Variants in PIAS3 observed in about 807,000 individuals in gnomAD.
PIAS3 encodes protein inhibitor of activated STAT 3, also known as E3 SUMO-protein ligase PIAS3.
PIAS3 carries 34 observed loss-of-function variants against 67.6 expected under a neutral mutation model. The ratio of observed to expected loss-of-function variants is 0.50; its 90% CI spans 0.38 to 0.67. The LOEUF is 0.67. Among genes scored for constraint, PIAS3 ranks in the 30% least tolerant of loss-of-function variants. The pLI is 0.00. For synonymous variants in PIAS3, 341 were observed against 313.8 expected (o/e 1.09, Z -0.92); for missense variants, 693 against 791.6 (o/e 0.88, Z 1.49).
chr1:145,857,072 G>T, intron 1 of PIAS3, 66 bp from the exon 2 acceptor site: 1 of 1,434,242 alleles, frequency 7.0e-7, no homozygotes, highest in Non-Finnish European at 9.7e-7. Context: ...CAAGACATGG[G>T]CTGAGCTACC....
At position 145,849,876 on chromosome 1, in the gene PIAS3, CCCTT is replaced by C. The variant is rs1306016815; in HGVS notation, c.1621-168_1621-165del. ...TCCCTCTTTCCCCTACTTCCCTACA[CCCTT>C]CCCCTTTCCCTGCCTTGAGAGAGCT... On this transcript the variant is annotated intron_variant, in intron 13 of 13. Transcript: ENST00000393045. 13 of 1,470,540 alleles carry C rather than the reference CCCTT, an allele frequency of 8.8e-6. No individual in the cohort carries two copies. In the East Asian group the frequency reaches 2.6e-4, roughly 29 times the overall value. 91.1% of individuals were successfully genotyped at this position (1,470,540 alleles called of 1,614,324 possible).
chr1:145,859,031 G>C lies in PIAS3; in HGVS notation c.-41C>G. On this transcript the variant is annotated 5_prime_UTR_variant, in exon 1 of 14. Coordinates refer to ENST00000393045, the MANE Select transcript of PIAS3 (RefSeq NM_006099.3). ...GCGCCCCAGCCGGAGCCGGAGCTCA[G>C]GCCCAGGGACCGGCGCACAACTCTC... 1.3e-6 allele frequency: 2 copies of C among 1,539,692 alleles called. No homozygotes were observed. Among genetic ancestry groups the C allele is most frequent in the Non-Finnish European group, 1.7e-6 (2 of 1,143,368 alleles).
At chr1:145,852,537 T>A (rs587662556) in intron 9 of PIAS3, among the ~76,000 whole-genome samples, 1 of 152,098 alleles carries the variant, frequency 6.6e-6, no homozygotes, top group South Asian at 2.1e-4. Flanking sequence ...ACCTATCTCA[T>A]AGGGTTTTTT....
intron 1 of PIAS3, among the ~76,000 whole-genome samples, chr1:145,858,415 C>G (rs1653280165): frequency 2.6e-5 from 4 of 152,112 alleles, no homozygotes; most frequent in Non-Finnish European, 5.9e-5. Flanking sequence ...CAGGATGCTT[C>G]TGCCCCACCC....
chr1:145,854,385 A>T, intron 7 of PIAS3, 73 bp downstream of exon 7: 1 of 1,045,942 alleles, frequency 9.6e-7, no homozygotes, highest in South Asian at 1.3e-5. Context: ...GTATGGGTTT[A>T]ATTATGAAGG....
In PIAS3 at chr1:145,856,634, G is replaced by C; in HGVS notation, c.397C>G (p.Pro133Ala). The part of the protein sequence containing the change: ...VHPDVTMKPL[P>A]FYEVYGELIR... ...AGCTCCCCATAGACTTCATAGAAGGGCAATGGTTTCATGGTGACATCAGGG... is the reference window on the plus strand; with the variant it reads ...AGCTCCCCATAGACTTCATAGAAGGCCAATGGTTTCATGGTGACATCAGGG... Residue 133 changes from proline (P) to alanine (A), a missense_variant, in exon 2 of 14, where the codon CCC becomes GCC. Physicochemically the swap from Pro to Ala is conservative, Grantham distance 27. Transcript: ENST00000393045. The C allele has an allele frequency of 6.3e-7, 1 of 1,577,756 alleles. No homozygotes were observed. The highest frequency in any genetic ancestry group is 8.6e-7 in the Non-Finnish European group (1 of 1,160,922).
In PIAS3 at chr1:145,850,932, C is replaced by G. The variant is rs1327754314; in HGVS notation, c.1287G>C (p.Gln429His). The change falls in exon 11 of 14, where the codon CAG (glutamine) becomes CAC (histidine). Residue 429 changes from glutamine (Q) to histidine (H), a missense_variant. By Grantham distance (24) the Gln-to-His change is conservative. This residue lies in a region of PIAS3 where 270 missense variants were observed against 261.0 expected (regional missense o/e 1.03). Transcript: ENST00000393045. ...PPPGYGLDGLQYSPVQGGDPS... is the reference protein window; with the variant it reads ...PPPGYGLDGLHYSPVQGGDPS... Reference sequence around the variant, plus strand: ...GATCTCCCCCCTGGACTGGGCTGTACTGGAGGCCTGTGGGTATTAAGAAGA... The same window carrying G: ...GATCTCCCCCCTGGACTGGGCTGTAGTGGAGGCCTGTGGGTATTAAGAAGA... 6.2e-7 allele frequency: 1 copy of G among 1,614,162 alleles called. No homozygotes were observed. The highest frequency in any genetic ancestry group is 1.3e-5 in the African/African-American group (1 of 75,038).
At chr1:145,856,153 T>A in intron 3 of PIAS3, 35 bp from the exon 4 acceptor site, 1 of 1,590,696 alleles carries the variant, frequency 6.3e-7, no homozygotes, top group African/African-American at 1.3e-5. Context: ...GATGTCAGCA[T>A]GTAGCCCCCA....
At chr1:145,856,524 G>A (rs1653194428) in intron 2 of PIAS3, 65 bp downstream of exon 2, 7 of 1,595,156 alleles carry the variant, frequency 4.4e-6, no homozygotes, top group Admixed American at 1.7e-5. Context: ...TAGGACTAAA[G>A]CCTAAGAAAT....
chr1:145,852,630 G>GC (rs1241202909), intron 9 of PIAS3, among the ~76,000 whole-genome samples: 3 of 149,620 alleles, frequency 2.0e-5, no homozygotes, highest in Non-Finnish European at 3.0e-5. Flanking sequence ...TCAATCTGTT[G>GC]CCCAGGCTGG....
chr1:145,856,084 T>A lies in PIAS3; in HGVS notation c.562A>T (p.Ile188Leu), dbSNP rs1653166037. ...TGAACTCACCTTAGCTGCACCTGTA[T>A]GGTATAATCACATTTGGCTCCTGGC... ...VLPGAKCDYT[I>L]QVQLRFCLCE... The change falls in exon 4 of 14, where the codon ATA becomes TTA. Residue 188 changes from isoleucine to leucine, a missense_variant. Physicochemically the swap from Ile to Leu is conservative, Grantham distance 5. Transcript: ENST00000393045. 1 of 1,613,948 alleles carries A rather than the reference T, an allele frequency of 6.2e-7. No homozygotes were observed.
Position 145,856,340 on chromosome 1 carries a change from G to A in PIAS3, c.527+7C>T, listed in dbSNP as rs1476400333. 1.9e-6 allele frequency: 3 copies of A among 1,609,504 alleles called. No homozygotes were observed. The highest frequency in any genetic ancestry group is 1.3e-5 in the African/African-American group (1 of 74,976). On this transcript the variant is annotated splice_region_variant and intron_variant, in intron 3 of 13. Coordinates refer to ENST00000393045, the MANE Select transcript of PIAS3 (RefSeq NM_006099.3). ...GGGATGAGGCAGGAAGACTGGAAGA[G>A]ATGTACCTGGATGTAAGAATCTGCT...
chr1:145,852,922 T>C (rs1201785821), intron 9 of PIAS3, among the ~76,000 whole-genome samples: 2 of 152,138 alleles, frequency 1.3e-5, no homozygotes, highest in Non-Finnish European at 2.9e-5. Context: ...AGATAACTCA[T>C]GCAAAGTGCT....
intron 10 of PIAS3, 31 bp from the exon 11 acceptor site, chr1:145,850,970 G>T: frequency 6.2e-7 from 1 of 1,614,132 alleles, no homozygotes; most frequent in Non-Finnish European, 8.5e-7. Context: ...ACGTCTCAGA[G>T]AAGAGGCCAT....
Position 145,850,280 on chromosome 1 carries a change from A to T in PIAS3, c.1583-11T>A. 1 of 1,614,226 alleles carries T rather than the reference A, an allele frequency of 6.2e-7. No homozygotes were observed. Among genetic ancestry groups the T allele is most frequent in the Non-Finnish European group, 8.5e-7 (1 of 1,180,038 alleles). On this transcript the variant is annotated splice_polypyrimidine_tract_variant and intron_variant, in intron 12 of 13. Coordinates refer to ENST00000393045, the MANE Select transcript of PIAS3 (RefSeq NM_006099.3). ...AAAATAAATCTAAACCTGGCAGGAA[A>T]AGAAAAATCAAAATTAACCTCCTAT...
intron 13 of PIAS3, 130 bp from the exon 14 acceptor site, chr1:145,849,842 G>A (rs1255388616): frequency 2.0e-6 from 3 of 1,478,708 alleles, no homozygotes; most frequent in African/African-American, 1.4e-5. Flanking sequence ...TGAGAAGCAG[G>A]AGAGCCTCTC....
intron 1 of PIAS3, among the ~76,000 whole-genome samples, chr1:145,858,117 G>A (rs189787370): frequency 2.6e-5 from 4 of 152,140 alleles, no homozygotes; most frequent in East Asian, 1.9e-4. Flanking sequence ...GGAGGGGAGC[G>A]CTCTCCTTAG....
At chr1:145,855,981 G>A (rs957645607) in intron 4 of PIAS3, 87 bp downstream of exon 4, 1 of 1,165,560 alleles carries the variant, frequency 8.6e-7, no homozygotes, top group South Asian at 1.2e-5. Flanking sequence ...TGGCAGAGCA[G>A]GGACATCTCG....
chr1:145,856,813 G>C lies in PIAS3; in HGVS notation c.218C>G (p.Ser73Cys). 6.2e-7 allele frequency: 1 copy of C among 1,614,146 alleles called. No individual in the cohort carries two copies. The highest frequency in any genetic ancestry group is 8.5e-7 in the Non-Finnish European group (1 of 1,180,004). ...GGGCAAAGAGAGAAGGGAGAGATCA[G>C]AGGGCCCCAGGGTCTTCCGGGGAAA... ...RRFPRKTLGP[S>C]DLSLLSLPPG... Residue 73 changes from serine (S) to cysteine (C), a missense_variant, in exon 2 of 14, where the codon TCT becomes TGT. This residue lies in a region of PIAS3 where 308 missense variants were observed against 348.8 expected (regional missense o/e 0.88). Coordinates refer to ENST00000393045, the MANE Select transcript of PIAS3 (RefSeq NM_006099.3).
Sources: gnomAD v4.1 joint callset for allele counts (sites outside exome capture counted in the v4.1 genomes callset) on GRCh38, gnomAD v4.1.1 for gene constraint, gnomAD v4.1.1 regional missense constraint, MANE v1.5 for transcripts, NCBI Gene and HGNC (gene_info 2026-07-23, HGNC 2026-07-21) for gene names.